DLAT: variants seen among roughly 807,000 people sequenced by gnomAD.
DLAT encodes the protein dihydrolipoamide S-acetyltransferase.
A neutral mutation model predicts 68.0 loss-of-function variants in DLAT; 43 were observed. That is an observed-to-expected ratio of 0.63 (90% CI 0.50 to 0.81). The LOEUF (loss-of-function observed/expected upper bound fraction) is 0.81, where lower values mean the gene tolerates loss of function less well. Among genes scored for constraint, DLAT ranks in the 40% least tolerant of loss-of-function variants. The probability of loss-of-function intolerance (pLI) is 0.00; values close to 1 mark genes in which losing one functional copy is unlikely to be tolerated. For synonymous variants in DLAT, 265 were observed against 288.6 expected (o/e 0.92, Z 0.83); for missense variants, 745 against 815.4 (o/e 0.91, Z 1.05).
In DLAT at chr11:112,064,142, A is replaced by G. The variant is rs1484666838; in HGVS notation, c.*1607A>G. The G allele has an allele frequency of 6.5e-7, 1 of 1,531,510 alleles. No individual in the cohort carries two copies. The highest frequency in any genetic ancestry group is 1.2e-5 in the South Asian group (1 of 80,868). 94.9% of individuals were successfully genotyped at this position (1,531,510 alleles called of 1,614,324 possible). A position where few individuals can be genotyped will look rare whatever the true frequency, so the allele number is the denominator to read the frequency against. ...AGCTTATCACAAGGGACCATCATCA[A>G]TATGATCCAAATCTGGTTCAAACAT... On this transcript the variant is annotated 3_prime_UTR_variant, in exon 14 of 14. Transcript: ENST00000280346.
In DLAT at chr11:112,064,383, A is replaced by G; in HGVS notation, c.*1848A>G. On this transcript the variant is annotated 3_prime_UTR_variant, in exon 14 of 14. Transcript: ENST00000280346. Reference sequence around the variant, plus strand: ...TGATTATTTAAAAATTAAAGTATAAATCTTCAATATGTCTGGTTTAATTTT... The same window carrying G: ...TGATTATTTAAAAATTAAAGTATAAGTCTTCAATATGTCTGGTTTAATTTT... 1.7e-6 allele frequency: 1 copy of G among 581,138 alleles called. No homozygotes were observed. The highest frequency in any genetic ancestry group is 3.7e-5 in the Admixed American group (1 of 27,370). The allele number at this position is 581,138 out of a possible 1,614,324, so 36.0% of individuals were successfully genotyped here. A position where few individuals can be genotyped will look rare whatever the true frequency, so the allele number is the denominator to read the frequency against.
intron 5 of DLAT, among the ~76,000 whole-genome samples, chr11:112,033,842 G>A (rs1862550035): frequency 6.6e-6 from 1 of 152,198 alleles, no homozygotes; most frequent in South Asian, 2.1e-4. Flanking sequence ...TCCTGCTTTA[G>A]CCTCACAAGT....
chr11:112,027,358 C>T (rs1183495110), intron 2 of DLAT, among the ~76,000 whole-genome samples: 49 of 150,744 alleles, frequency 3.3e-4, no homozygotes, highest in African/African-American at 1.0e-3. Flanking sequence ...CGGGCAGAGG[C>T]GCTCCTCACT....
Position 112,043,553 on chromosome 11 carries a change from T to TA in DLAT, c.1197+21dup, listed in dbSNP as rs1555181195. On this transcript the variant is annotated intron_variant, in intron 8 of 13. Coordinates refer to ENST00000280346, the MANE Select transcript of DLAT (RefSeq NM_001931.5). ...GCTCCTGTGAGTTATGTGTAGCTCT[T>TA]ACTTTTTTTGCAGTTTGTCTCTACA... is the stretch of plus-strand genomic sequence containing the variant. The TA allele has an allele frequency of 6.2e-6, 10 of 1,610,598 alleles. No homozygotes were observed. The highest frequency in any genetic ancestry group is 8.5e-6 in the Non-Finnish European group (10 of 1,176,786).
chr11:112,030,485 T>C (rs587714563), intron 4 of DLAT: 1 of 259,134 alleles, frequency 3.9e-6, no homozygotes, highest in African/African-American at 2.2e-5. Context: ...AAGTCCCCAG[T>C]TGGTGTTCTT....
Position 112,039,240 on chromosome 11 carries a change from A to G in DLAT, c.976-4A>G, listed in dbSNP as rs1862930003. ...TAAAACAATTTGTAATTTTTTTTCA[A>G]AAGGTGGCCGCTGTTCCTCCAACTC... On this transcript the variant is annotated splice_polypyrimidine_tract_variant and splice_region_variant and intron_variant, in intron 6 of 13. Transcript: ENST00000280346. The G allele has an allele frequency of 3.1e-6, 5 of 1,613,822 alleles. No homozygotes were observed. In the East Asian group the frequency reaches 1.1e-4, roughly 36 times the overall value.
chr11:112,061,017 T>G (rs587762053), intron 12 of DLAT, 21 bp from the exon 13 acceptor site: 11 of 1,544,504 alleles, frequency 7.1e-6, no homozygotes, highest in African/African-American at 1.4e-5. Flanking sequence ...TATAATTTAT[T>G]TTTAATTTTT....
intron 4 of DLAT, among the ~76,000 whole-genome samples, chr11:112,030,703 G>A (rs1236224253): frequency 1.3e-5 from 2 of 152,122 alleles, no homozygotes; most frequent in South Asian, 2.1e-4. Context: ...TAGGGTTATC[G>A]TCTGTATATT....
At position 112,033,063 on chromosome 11, in the gene DLAT, CAAAATA is replaced by C. The variant is rs587594108; in HGVS notation, c.661-322_661-317del. On this transcript the variant is annotated intron_variant, in intron 4 of 13. Transcript: ENST00000280346. Reference sequence around the variant, plus strand: ...TGGGGGACAGAGCAAGACTCTGTCTCAAAATAAAAATAAAAATAAAAATAGATGAAA... The same window carrying C: ...TGGGGGACAGAGCAAGACTCTGTCTCAAAATAAAAATAAAAATAGATGAAA... 5.7e-4 allele frequency among the ~76,000 whole-genome samples: 86 copies of C among 151,624 alleles called. 2 individuals are homozygous for C. The South Asian group carries it at 0.015, about 27-fold the overall frequency.
chr11:112,044,369 A>G (rs1319423768), intron 8 of DLAT, among the ~76,000 whole-genome samples: 1 of 151,964 alleles, frequency 6.6e-6, no homozygotes. Context: ...TAATTTTCGT[A>G]TGTTTAGTAG....
intron 5 of DLAT, among the ~76,000 whole-genome samples, 184 bp from the exon 6 acceptor site, chr11:112,037,089 T>C (rs1203183247): frequency 2.0e-5 from 3 of 152,196 alleles, no homozygotes; most frequent in Non-Finnish European, 4.4e-5. Flanking sequence ...TCCAGTGAGA[T>C]TGGTACTATT....
intron 10 of DLAT, among the ~76,000 whole-genome samples, chr11:112,050,599 T>G (rs1046866957): frequency 1.3e-5 from 2 of 152,232 alleles, no homozygotes; most frequent in African/African-American, 4.8e-5. Flanking sequence ...GGTTCAGTTT[T>G]GGTAGCTTGT....
At chr11:112,045,298 A>G (rs1442572637) in intron 9 of DLAT, 68 bp downstream of exon 9, 1 of 1,264,746 alleles carries the variant, frequency 7.9e-7, no homozygotes, top group South Asian at 1.2e-5. Context: ...TTGCTTCCAT[A>G]GTTTTTAACA....
Position 112,025,429 on chromosome 11 carries a change from C to G in DLAT, c.-44C>G, listed in dbSNP as rs782525609. 2.5e-6 allele frequency: 4 copies of G among 1,589,612 alleles called. No individual in the cohort carries two copies. The African/African-American group carries it at 5.4e-5, about 21-fold the overall frequency. ...CGCCGCTGCTCTTGGAGAGGTCACT[C>G]CGGAGACGGCGTTGGTTTTGGGGTG... On this transcript the variant is annotated 5_prime_UTR_variant, in exon 1 of 14. Coordinates refer to ENST00000280346, the MANE Select transcript of DLAT (RefSeq NM_001931.5).
At chr11:112,046,990 G>A (rs1003502727) in intron 10 of DLAT, among the ~76,000 whole-genome samples, 7 of 152,180 alleles carry the variant, frequency 4.6e-5, no homozygotes, top group Admixed American at 3.3e-4. Flanking sequence ...ACCCAGTAAT[G>A]GGATTTCTGG....
rs1304389458 is a variant in DLAT at position 112,051,519 on chromosome 11, C to CA, written c.1514+170_1514+171insA. On this transcript the variant is annotated intron_variant, in intron 11 of 13. Transcript: ENST00000280346. This position sits in a 1 kb window ranked among gnomAD's most constrained non-coding sequence, Gnocchi z 4.3. ...AATGTTTATGAGTTACTGCTTTTTA[C>CA]TTTTTTTTCTTACTGGCCCCAATTT... 6.6e-6 allele frequency among the ~76,000 whole-genome samples: 1 copy of CA among 152,044 alleles called. No homozygotes were observed. The highest frequency in any genetic ancestry group is 1.5e-5 in the Non-Finnish European group (1 of 67,988).
chr11:112,039,782 G>C (rs1862959077), intron 7 of DLAT, among the ~76,000 whole-genome samples: 1 of 152,102 alleles, frequency 6.6e-6, no homozygotes. Context: ...TTGAAGTTGG[G>C]GTGATTTGGA....
At chr11:112,028,471 A>G in intron 2 of DLAT, 44 bp from the exon 3 acceptor site, 2 of 1,608,174 alleles carry the variant, frequency 1.2e-6, no homozygotes, top group South Asian at 1.1e-5. Context: ...AATAAATTAC[A>G]TACCAACAGT....
intron 5 of DLAT, among the ~76,000 whole-genome samples, chr11:112,036,195 GTGTGTGTTTTTTTTTTTTTTT>G (rs1299651215): frequency 1.5e-5 from 1 of 66,906 alleles, no homozygotes; most frequent in African/African-American, 6.2e-5. Context: ...GTGTGTGTGT[GTGTGTGTTTTTTTTTTTTTTT>G]TTTTTTTTTT....
Sources: gnomAD v4.1 joint callset for allele counts (sites outside exome capture counted in the v4.1 genomes callset) on GRCh38, gnomAD v4.1.1 for gene constraint, Gnocchi (gnomAD v3.1) non-coding constraint, MANE v1.5 for transcripts, NCBI Gene and HGNC (gene_info 2026-07-23, HGNC 2026-07-21) for gene names.